ABHD3: variants seen among roughly 807,000 people sequenced by gnomAD.
ABHD3 encodes the protein abhydrolase domain containing 3, phospholipase, also known as phospholipase ABHD3.
A neutral mutation model predicts 48.8 loss-of-function variants in ABHD3; 46 were observed. That is an observed-to-expected ratio of 0.94 (90% confidence interval 0.74 to 1.20). The LOEUF is 1.20. ABHD3 is among the 50% of genes most tolerant of loss of function. The probability of loss-of-function intolerance (pLI) is 0.00; values close to 1 mark genes in which losing one functional copy is unlikely to be tolerated. For missense variants in ABHD3, 490 were observed against 497.8 expected, an observed-to-expected ratio of 0.98 and a Z score of 0.15; for synonymous variants, 192 against 183.7, an observed-to-expected ratio of 1.04 and a Z score of -0.36.
At chr18:21,692,843 T>G (rs948004577) in intron 3 of ABHD3, among the ~76,000 whole-genome samples, 2 of 152,260 alleles carry the variant, frequency 1.3e-5, no homozygotes, top group Admixed American at 6.5e-5. Context: ...AAACACCCAG[T>G]TGAACTGGCC....
chr18:21,659,256 G>A lies in ABHD3; in HGVS notation c.756C>T (p.Phe252=), dbSNP rs151040212. Residue 252 remains phenylalanine, a synonymous_variant, in exon 6 of 9, where the codon TTC becomes TTT. Coordinates refer to ENST00000289119, the MANE Select transcript of ABHD3 (RefSeq NM_138340.5). ...GTTTTTCCAATGACTCTGAGCAAGC[G>A]AAGGTGTTCCAACCAACGGAAAAAG... The part of the protein sequence containing the change: ...AATFSVGWNT[F]ACSESLEKPL... 2.7e-4 allele frequency: 434 copies of A among 1,613,884 alleles called. 1 individual carries two copies. Among genetic ancestry groups the A allele is most frequent in the Non-Finnish European group, 3.2e-4 (374 of 1,179,988 alleles).
At chr18:21,692,315 T>C (rs894839113) in intron 3 of ABHD3, among the ~76,000 whole-genome samples, 2 of 152,220 alleles carry the variant, frequency 1.3e-5, no homozygotes, top group Non-Finnish European at 2.9e-5. Flanking sequence ...CTTTTGTTAG[T>C]AATTTCTGCT....
In ABHD3 at chr18:21,666,400, G is replaced by A. The variant is rs1265074249; in HGVS notation, c.556-2170C>T. Among the ~76,000 whole-genome samples the A allele has an allele frequency of 3.3e-5, 5 of 152,206 alleles. No homozygotes were observed. The South Asian group carries it at 6.2e-4, about 19-fold the overall frequency. On this transcript the variant is annotated intron_variant, in intron 4 of 8. Coordinates refer to ENST00000289119, the MANE Select transcript of ABHD3 (RefSeq NM_138340.5). ...GTAGAGATGGGGTTTCACCATGTTG[G>A]CCAGGCTGGTCTCTAACTCCTGACC...
At chr18:21,678,312 G>A (rs527261185) in intron 4 of ABHD3, among the ~76,000 whole-genome samples, 24 of 152,204 alleles carry the variant, frequency 1.6e-4, no homozygotes, top group African/African-American at 5.5e-4. Context: ...TGGGTCATAT[G>A]GTAACTCTAT....
intron 4 of ABHD3, among the ~76,000 whole-genome samples, chr18:21,679,877 T>C (rs1453160243): frequency 2.0e-5 from 3 of 152,094 alleles, no homozygotes; most frequent in African/African-American, 7.2e-5. Context: ...TTTCGCCATG[T>C]TGGCCAGGCT....
intron 3 of ABHD3, among the ~76,000 whole-genome samples, chr18:21,689,364 C>T (rs1289341390): frequency 4.6e-5 from 7 of 151,830 alleles, no homozygotes; most frequent in Non-Finnish European, 7.4e-5. Flanking sequence ...GCCTGGCCAA[C>T]GTAGTGAAAC....
At chr18:21,651,994 G>T (rs1231479200) in intron 8 of ABHD3, among the ~76,000 whole-genome samples, 1 of 151,896 alleles carries the variant, frequency 6.6e-6, no homozygotes, top group East Asian at 1.9e-4. Context: ...CAATCATTTT[G>T]GGAAGAATCA....
intron 4 of ABHD3, among the ~76,000 whole-genome samples, chr18:21,665,253 T>A (rs913835253): frequency 2.0e-5 from 3 of 151,146 alleles, no homozygotes; most frequent in African/African-American, 7.3e-5. Flanking sequence ...CCAAAAAAAA[T>A]TTTTTTGAGA....
In ABHD3 at chr18:21,677,056, A is replaced by T. The variant is rs180728196; in HGVS notation, c.555+6864T>A. Among the ~76,000 whole-genome samples, 64 of 152,288 alleles carry T rather than the reference A, an allele frequency of 4.2e-4. 1 individual carries two copies. The highest frequency in any genetic ancestry group is 1.8e-3 in the Admixed American group (27 of 15,284). On this transcript the variant is annotated intron_variant, in intron 4 of 8. Transcript: ENST00000289119. ...CATCGTCCACCTCAAGCCTTAGGTG[A>T]CCATTAATCTACTTTCTGTGTCTAT...
chr18:21,656,613 G>A (rs555229868), intron 8 of ABHD3, among the ~76,000 whole-genome samples: 1 of 152,276 alleles, frequency 6.6e-6, no homozygotes, highest in East Asian at 1.9e-4. Flanking sequence ...TGGTAAGAAG[G>A]AAAGGTTATA....
chr18:21,694,139 C>T (rs182494830), intron 3 of ABHD3, among the ~76,000 whole-genome samples: 202 of 152,168 alleles, frequency 1.3e-3, no homozygotes, highest in African/African-American at 4.7e-3. Context: ...GACTAAGTCT[C>T]GCTCTGTCAC....
chr18:21,704,348 T>C (rs1048590744), intron 1 of ABHD3, among the ~76,000 whole-genome samples, 156 bp downstream of exon 1: 2 of 151,466 alleles, frequency 1.3e-5, no homozygotes, highest in African/African-American at 4.8e-5. Context: ...GCGGGGCCTG[T>C]TGGCTTTCCC....
At position 21,684,110 on chromosome 18, in the gene ABHD3, T is replaced by C. The variant is rs2040072712; in HGVS notation, c.510-145A>G. 3 of 642,946 alleles carry C rather than the reference T, an allele frequency of 4.7e-6. No homozygotes were observed. The South Asian group carries it at 9.6e-5, about 21-fold the overall frequency. 39.8% of individuals were successfully genotyped at this position (642,946 alleles called of 1,614,324 possible). ...GTAGTTGTAATGTTTGGCAATTTCA[T>C]CTAAATGCAATGCACTAAAATAAAA... is the stretch of plus-strand genomic sequence containing the variant. On this transcript the variant is annotated intron_variant, in intron 3 of 8. Coordinates refer to ENST00000289119, the MANE Select transcript of ABHD3 (RefSeq NM_138340.5).
intron 3 of ABHD3, among the ~76,000 whole-genome samples, chr18:21,697,190 C>T (rs1291548944): frequency 6.6e-6 from 1 of 151,568 alleles, no homozygotes; most frequent in East Asian, 1.9e-4. Flanking sequence ...ATTCTTCTGC[C>T]TCAGCCTCCT....
At chr18:21,663,215 C>CT (rs752658646) in intron 5 of ABHD3, among the ~76,000 whole-genome samples, 239 of 151,894 alleles carry the variant, frequency 1.6e-3, no homozygotes, top group Non-Finnish European at 2.0e-3. Context: ...AATTTTTTTT[C>CT]TTTTTCACAG....
intron 5 of ABHD3, among the ~76,000 whole-genome samples, chr18:21,659,718 G>A (rs1447870639): frequency 6.6e-6 from 1 of 151,928 alleles, no homozygotes; most frequent in Admixed American, 6.6e-5. Context: ...ACCCAGCCTG[G>A]AGTGCAGTGG....
chr18:21,671,013 C>A (rs1029438202), intron 4 of ABHD3, among the ~76,000 whole-genome samples: 1 of 151,936 alleles, frequency 6.6e-6, no homozygotes, highest in Non-Finnish European at 1.5e-5. Flanking sequence ...GACCCTGTCT[C>A]AAAAAAATAA....
In ABHD3 at chr18:21,659,317, T is replaced by C; in HGVS notation, c.695A>G (p.Lys232Arg). 6.2e-7 allele frequency: 1 copy of C among 1,610,430 alleles called. No individual in the cohort carries two copies. Among genetic ancestry groups the C allele is most frequent in the Non-Finnish European group, 8.5e-7 (1 of 1,179,108 alleles). The change falls in exon 6 of 9, where the codon AAA becomes AGA. Residue 232 changes from lysine to arginine, a missense_variant. Coordinates refer to ENST00000289119, the MANE Select transcript of ABHD3 (RefSeq NM_138340.5). Reference sequence around the variant, plus strand: ...CATCAAAGGCGTTTTGGACCCAATTTTGCCCAAGTAATTTAGAAGCAGCAT... The same window carrying C: ...CATCAAAGGCGTTTTGGACCCAATTCTGCCCAAGTAATTTAGAAGCAGCAT... ...GGMLLLNYLGKIGSKTPLMAA... is the reference protein window; with the variant it reads ...GGMLLLNYLGRIGSKTPLMAA...
At chr18:21,684,343 G>A (rs1407839039) in intron 3 of ABHD3, among the ~76,000 whole-genome samples, 2 of 120,226 alleles carry the variant, frequency 1.7e-5, no homozygotes, top group Non-Finnish European at 3.2e-5. Flanking sequence ...TTGAGATGGA[G>A]TCTCGCTCTT....
Sources: gnomAD v4.1 joint callset for allele counts (sites outside exome capture counted in the v4.1 genomes callset) on GRCh38, gnomAD v4.1.1 for gene constraint, MANE v1.5 for transcripts, NCBI Gene and HGNC (gene_info 2026-07-23, HGNC 2026-07-21) for gene names.